ABCC8: variants seen among roughly 807,000 people sequenced by gnomAD.
ABCC8 encodes the protein ATP-binding cassette sub-family C member 8.
ABCC8 carries 137 observed loss-of-function variants against 188.0 expected under a neutral mutation model. The ratio of observed to expected loss-of-function variants is 0.73; its 90% CI spans 0.63 to 0.84. ABCC8 has a LOEUF of 0.84. ABCC8 is among the 40% of genes least tolerant of loss of function. The pLI is 0.00. For synonymous variants in ABCC8, 797 were observed against 846.5 expected (o/e 0.94, Z 1.01); for missense variants, 1,750 against 2,072.7 (o/e 0.84, Z 3.02).
intron 3 of ABCC8, among the ~76,000 whole-genome samples, chr11:17,468,013 C>CTGG (rs3831595): frequency 0.56 from 85,649 of 151,802 alleles, 25,200 homozygotes; most frequent in African/African-American, 0.73. Flanking sequence ...CAGCCAGGCC[C>CTGG]TGGTTAATGA....
Position 17,406,707 on chromosome 11 carries a change from A to C in ABCC8, c.3244T>G (p.Ser1082Ala). 6.2e-7 allele frequency: 1 copy of C among 1,614,220 alleles called. No homozygotes were observed. Among genetic ancestry groups the C allele is most frequent in the African/African-American group, 1.3e-5 (1 of 75,060 alleles). Residue 1082 changes from serine (S) to alanine (A), a missense_variant, in exon 26 of 39, where the codon TCT (serine) becomes GCT (alanine). Transcript: ENST00000389817. ...SLGIVLCLVT[S>A]VTVEWTGLKV... is the part of the protein sequence containing the mutation. ...AGCCCTGTCCACTCCACAGTGACAG[A>C]CGTGACGAGGCACAGCACAATGCCC...
chr11:17,464,972 A>C (rs983321679), intron 3 of ABCC8, among the ~76,000 whole-genome samples: 1 of 152,202 alleles, frequency 6.6e-6, no homozygotes, highest in Non-Finnish European at 1.5e-5. Flanking sequence ...CAAATCTGGG[A>C]TCTGTCCTGC....
At chr11:17,473,778 C>T (rs994588706) in intron 2 of ABCC8, among the ~76,000 whole-genome samples, 1 of 152,220 alleles carries the variant, frequency 6.6e-6, no homozygotes, top group Non-Finnish European at 1.5e-5. Flanking sequence ...ATTCTCCCTG[C>T]CTCCAGCCTG....
intron 16 of ABCC8, among the ~76,000 whole-genome samples, chr11:17,420,827 AC>A (rs1955307024): frequency 6.6e-6 from 1 of 152,292 alleles, no homozygotes; most frequent in East Asian, 1.9e-4. Context: ...AAAGAATTTC[AC>A]CCGAGTGTAT....
At chr11:17,466,569 A>G (rs1848162611) in intron 3 of ABCC8, among the ~76,000 whole-genome samples, 1 of 152,078 alleles carries the variant, frequency 6.6e-6, no homozygotes, top group Admixed American at 6.6e-5. Flanking sequence ...AAGATGAAAA[A>G]GTTCTGGAGA....
chr11:17,464,561 A>C (rs1471551450), intron 3 of ABCC8, among the ~76,000 whole-genome samples: 2 of 149,828 alleles, frequency 1.3e-5, no homozygotes, highest in Non-Finnish European at 2.9e-5. Flanking sequence ...TATGGAAAGC[A>C]TTTAGTGCAG....
At chr11:17,415,147 C>T in intron 18 of ABCC8, among the ~76,000 whole-genome samples, 157 bp downstream of exon 18, 1 of 152,158 alleles carries the variant, frequency 6.6e-6, no homozygotes, top group Admixed American at 6.5e-5. Context: ...GCAGCAGCTC[C>T]CGAGCCACCT....
intron 31 of ABCC8, 33 bp downstream of exon 31, chr11:17,397,651 A>T (rs771442020): frequency 1.2e-6 from 2 of 1,603,912 alleles, no homozygotes; most frequent in Non-Finnish European, 1.7e-6. Flanking sequence ...CTGGTGTCTG[A>T]CCCCTCCTCT....
chr11:17,414,096 G>A (rs1343691625), intron 19 of ABCC8, among the ~76,000 whole-genome samples: 7 of 152,216 alleles, frequency 4.6e-5, no homozygotes. Context: ...GTTGTTGTAA[G>A]CATGAGAGGA....
chr11:17,447,137 A>C (rs1956565711), intron 8 of ABCC8, among the ~76,000 whole-genome samples: 2 of 152,212 alleles, frequency 1.3e-5, no homozygotes, highest in African/African-American at 2.4e-5. Flanking sequence ...GTCTCACCCA[A>C]GTCACTTTCT....
intron 3 of ABCC8, among the ~76,000 whole-genome samples, chr11:17,466,689 T>C (rs1848172139): frequency 6.6e-6 from 1 of 152,168 alleles, no homozygotes; most frequent in Non-Finnish European, 1.5e-5. Context: ...CAATCTTGGC[T>C]GGAGTGCAGT....
At chr11:17,419,456 G>A (rs1300170212) in intron 16 of ABCC8, among the ~76,000 whole-genome samples, 2 of 152,248 alleles carry the variant, frequency 1.3e-5, no homozygotes. Context: ...CAAAAGAAAA[G>A]TAGGACAAAG....
intron 3 of ABCC8, among the ~76,000 whole-genome samples, chr11:17,467,042 C>CCACACACACACACACACACACA (rs569546580): frequency 5.3e-5 from 7 of 132,388 alleles, no homozygotes; most frequent in South Asian, 2.7e-4. Context: ...ACATGTTAAA[C>CCACACACACACACACACACACA]CACACACACA....
chr11:17,462,354 C>G (rs749521089), intron 4 of ABCC8, among the ~76,000 whole-genome samples: 4 of 152,172 alleles, frequency 2.6e-5, no homozygotes, highest in Admixed American at 6.5e-5. Context: ...AGATCACCAA[C>G]TAAAAGCAGA....
intron 10 of ABCC8, chr11:17,435,522 A>G: frequency 9.2e-7 from 1 of 1,088,068 alleles, no homozygotes; most frequent in Non-Finnish European, 1.4e-6. Context: ...ATGGTCTACA[A>G]GGTACTCTAC....
At chr11:17,476,543 G>C in intron 1 of ABCC8, 86 bp downstream of exon 1, 1 of 1,516,218 alleles carries the variant, frequency 6.6e-7, no homozygotes, top group East Asian at 2.5e-5. Context: ...GGCCGGAAGG[G>C]GACGCCGAGC....
At chr11:17,405,411 GGAACCCAGCCTC>G in intron 27 of ABCC8, 71 bp downstream of exon 27, 1 of 1,597,496 alleles carries the variant, frequency 6.3e-7, no homozygotes, top group Non-Finnish European at 8.6e-7. Flanking sequence ...CCTGATCTGG[GGAACCCAGCCTC>G]AGACAGGAGA....
rs1407734010 is a variant in ABCC8 at position 17,470,568 on chromosome 11, A to T, written c.291-346T>A. 2.0e-5 allele frequency among the ~76,000 whole-genome samples: 3 copies of T among 152,214 alleles called. No individual in the cohort carries two copies. In the East Asian group the frequency reaches 5.8e-4, roughly 29 times the overall value. ...AAGTCAGCACTGGCGCCCTCCCCAGAGGCTGTGATAACAAACTGATGAGAG... is the reference window on the plus strand; with the variant it reads ...AAGTCAGCACTGGCGCCCTCCCCAGTGGCTGTGATAACAAACTGATGAGAG... On this transcript the variant is annotated intron_variant, in intron 2 of 38. Coordinates refer to ENST00000389817, the MANE Select transcript of ABCC8 (RefSeq NM_000352.6).
rs1232205030 is a variant in ABCC8, at chr11:17,430,946, T to C, written c.1685A>G (p.His562Arg). 1.2e-6 allele frequency: 2 copies of C among 1,614,138 alleles called. No homozygotes were observed. The highest frequency in any genetic ancestry group is 2.2e-5 in the South Asian group (2 of 91,084). Reference protein sequence around the residue: ...IAAVLITFVGHVSFFKEADFS... With the variant: ...IAAVLITFVGRVSFFKEADFS... ...GTCGGCCTCTTTGAAGAAGCTGACGTGGCCCACGAAAGTCTGTGGACAGAG... is the reference window on the plus strand; with the variant it reads ...GTCGGCCTCTTTGAAGAAGCTGACGCGGCCCACGAAAGTCTGTGGACAGAG... Residue 562 changes from histidine (H) to arginine (R), a missense_variant, in exon 12 of 39, where the codon CAC (histidine) becomes CGC (arginine). Transcript: ENST00000389817.
Sources: gnomAD v4.1 joint callset for allele counts (sites outside exome capture counted in the v4.1 genomes callset) on GRCh38, gnomAD v4.1.1 for gene constraint, MANE v1.5 for transcripts, NCBI Gene and HGNC (gene_info 2026-07-23, HGNC 2026-07-21) for gene names.